IL13RA1: variants seen among roughly 807,000 people sequenced by gnomAD.
IL13RA1 encodes the protein interleukin-13 receptor subunit alpha-1.
IL13RA1 carries 14 observed loss-of-function variants against 33.8 expected under a neutral mutation model. The ratio of observed to expected loss-of-function variants is 0.41; its 90% CI spans 0.27 to 0.65. The LOEUF (loss-of-function observed/expected upper bound fraction) is 0.65, where lower values mean the gene tolerates loss of function less well. IL13RA1 is among the 30% of genes least tolerant of loss of function. IL13RA1 has a pLI of 0.28. For missense variants in IL13RA1, 313 were observed against 327.0 expected (o/e 0.96, Z 0.33); for synonymous variants, 116 against 115.7 (o/e 1.00, Z -0.02).
intron 6 of IL13RA1, among the ~76,000 whole-genome samples, chrX:118,762,973 A>C (rs190569021): frequency 5.4e-5 from 6 of 111,966 alleles, no homozygotes; most frequent in African/African-American, 1.6e-4. Flanking sequence ...GGAGCTGGAC[A>C]ATGAGAACAC....
At chrX:118,777,877 G>A (rs1401335147) in intron 10 of IL13RA1, among the ~76,000 whole-genome samples, 3 of 111,834 alleles carry the variant, frequency 2.7e-5, no homozygotes, top group African/African-American at 6.5e-5. Flanking sequence ...ATAATAACAA[G>A]CATAGGGCAG....
intron 10 of IL13RA1, among the ~76,000 whole-genome samples, chrX:118,784,090 A>AAAT (rs1556372973): frequency 2.3e-4 from 15 of 63,949 alleles, no homozygotes; most frequent in East Asian, 6.7e-4. Flanking sequence ...AAAAAAAAAA[A>AAAT]ATATATATAT....
chrX:118,763,096 G>A (rs2017606761), intron 6 of IL13RA1, among the ~76,000 whole-genome samples: 1 of 111,331 alleles, frequency 9.0e-6, no homozygotes, highest in South Asian at 3.7e-4. Flanking sequence ...CCTGGGTGAT[G>A]GGTTGATCTG....
rs761476755 is a variant in IL13RA1, at chrX:118,749,763, A to G, written c.473A>G (p.Tyr158Cys). 8.6e-7 allele frequency: 1 copy of G among 1,165,444 alleles called. No individual in the cohort carries two copies. The highest frequency in any genetic ancestry group is 2.2e-5 in the Admixed American group (1 of 45,901). ...AGGAATACCAGTCCCGACACTAACT[A>G]TACTCTCTACTATTGGTGAGTATGT... The part of the protein sequence containing the change: ...PGRNTSPDTN[Y>C]TLYYWHRSLE... Residue 158 changes from tyrosine (Y) to cysteine (C), a missense_variant, in exon 4 of 11, where the codon TAT (tyrosine) becomes TGT (cysteine). By Grantham distance (194) the Tyr-to-Cys change is radical. Coordinates refer to ENST00000371666, the MANE Select transcript of IL13RA1 (RefSeq NM_001560.3).
At chrX:118,798,996 G>C (rs911723349), downstream of IL13RA1, among the ~76,000 whole-genome samples, 1 of 100,209 alleles carries the variant, frequency 1.0e-5, no homozygotes, top group Non-Finnish European at 2.0e-5. Context: ...TGAGGCGCTT[G>C]TGGGCCAGCT....
At chrX:118,734,563 T>C (rs1051850190) in intron 1 of IL13RA1, among the ~76,000 whole-genome samples, 4 of 112,456 alleles carry the variant, frequency 3.6e-5, no homozygotes, top group African/African-American at 1.3e-4. Flanking sequence ...TCTGTATCAA[T>C]TGAGATGATC....
intron 3 of IL13RA1, among the ~76,000 whole-genome samples, chrX:118,748,005 T>TTTGTGTGTG (rs369385798): frequency 1.1e-5 from 1 of 88,877 alleles, no homozygotes; most frequent in Non-Finnish European, 2.2e-5. Flanking sequence ...AGAGTGAATG[T>TTTGTGTGTG]TGTGTGTGTG....
chrX:118,747,410 T>A (rs1485634816), intron 3 of IL13RA1, among the ~76,000 whole-genome samples: 4 of 108,639 alleles, frequency 3.7e-5, no homozygotes, highest in Non-Finnish European at 7.7e-5. Context: ...AGATCGAGAG[T>A]CACAAGCTTA....
the IL13RA1 span, among the ~76,000 whole-genome samples, chrX:118,800,597 A>G: frequency 9.0e-6 from 1 of 110,543 alleles, no homozygotes; most frequent in Non-Finnish European, 1.9e-5. Context: ...TGTAACAGTC[A>G]CGGCGTGGGT....
At chrX:118,749,561 G>A in intron 3 of IL13RA1, 97 bp from the exon 4 acceptor site, 1 of 834,767 alleles carries the variant, frequency 1.2e-6, no homozygotes, top group Non-Finnish European at 1.8e-6. Flanking sequence ...TGACAAAGCA[G>A]CATGAAGCAC....
At chrX:118,767,551 A>G (rs992970101) in intron 8 of IL13RA1, among the ~76,000 whole-genome samples, 3 of 111,603 alleles carry the variant, frequency 2.7e-5, no homozygotes, top group Admixed American at 9.6e-5. Context: ...GGAAGAAGAA[A>G]AAAAAAAGGC....
At chrX:118,774,761 T>C (rs1392913589) in intron 9 of IL13RA1, among the ~76,000 whole-genome samples, 2 of 112,311 alleles carry the variant, frequency 1.8e-5, no homozygotes, top group South Asian at 3.6e-4. Flanking sequence ...TTTTATTTTC[T>C]CTATCTCATT....
intron 10 of IL13RA1, among the ~76,000 whole-genome samples, chrX:118,787,262 A>G (rs1477440614): frequency 2.7e-5 from 3 of 111,618 alleles, no homozygotes; most frequent in Non-Finnish European, 5.6e-5. Context: ...TCTGGGGGAG[A>G]CATCACATGT....
At chrX:118,774,221 C>T (rs191465673) in intron 9 of IL13RA1, among the ~76,000 whole-genome samples, 1 of 102,963 alleles carries the variant, frequency 9.7e-6, no homozygotes, top group East Asian at 3.0e-4. Flanking sequence ...GTGATCTCGG[C>T]TCACTGCAGC....
downstream of IL13RA1, among the ~76,000 whole-genome samples, chrX:118,796,197 C>T (rs915594977): frequency 1.9e-4 from 21 of 112,191 alleles, no homozygotes; most frequent in Non-Finnish European, 3.4e-4. Flanking sequence ...TCCTATGTGC[C>T]GAGTTACATG....
chrX:118,781,599 G>A (rs769372322), intron 10 of IL13RA1, among the ~76,000 whole-genome samples: 23 of 112,620 alleles, frequency 2.0e-4, no homozygotes, highest in Admixed American at 1.1e-3. Context: ...TGGTCCGCCC[G>A]CCTTGGCCTC....
intron 1 of IL13RA1, among the ~76,000 whole-genome samples, chrX:118,735,505 A>G (rs1019556732): frequency 4.5e-5 from 5 of 111,762 alleles, no homozygotes; most frequent in African/African-American, 1.6e-4. Flanking sequence ...AGATGTTTAT[A>G]TTTACGCCTT....
At chrX:118,781,703 C>T (rs1254832093) in intron 10 of IL13RA1, among the ~76,000 whole-genome samples, 1 of 112,557 alleles carries the variant, frequency 8.9e-6, no homozygotes, top group Admixed American at 9.4e-5. Flanking sequence ...GCCAAAATAG[C>T]ATTACTGTAC....
Position 118,776,512 on chromosome X carries a change from G to A in IL13RA1, c.1191+1G>A. The A allele has an allele frequency of 1.8e-6, 1 of 545,308 alleles. No individual in the cohort carries two copies. The highest frequency in any genetic ancestry group is 3.1e-6 in the Non-Finnish European group (1 of 327,283). 44.9% of individuals were successfully genotyped at this position (545,308 alleles called of 1,213,427 possible). A position where few individuals can be genotyped will look rare whatever the true frequency, so the allele number is the denominator to read the frequency against. ...TGGAGACCAGAATGATGATACTCTGGTAAGAACAGATTTCATGGGGCTTGA... is the reference window on the plus strand; with the variant it reads ...TGGAGACCAGAATGATGATACTCTGATAAGAACAGATTTCATGGGGCTTGA... On this transcript the variant is annotated splice_donor_variant, in intron 10 of 10. Transcript: ENST00000371666. LOFTEE classifies it high-confidence loss of function.
Sources: allele counts gnomAD v4.1 joint callset (sites outside exome capture counted in the v4.1 genomes callset), GRCh38; gene constraint gnomAD v4.1.1; transcripts MANE v1.5; gene names NCBI Gene and HGNC (gene_info 2026-07-23, HGNC 2026-07-21).